STARD13: variants seen among roughly 807,000 people sequenced by gnomAD.
STARD13 encodes the protein stAR-related lipid transfer protein 13.
In STARD13, 62 loss-of-function variants were observed where a neutral mutation model predicts 106.4. The ratio of observed to expected loss-of-function variants is 0.58; its 90% CI spans 0.48 to 0.72. The LOEUF (loss-of-function observed/expected upper bound fraction) is 0.72, where lower values mean the gene tolerates loss of function less well. Among genes scored for constraint, STARD13 ranks in the 30% least tolerant of loss-of-function variants. The probability of loss-of-function intolerance (pLI) is 0.00; values close to 1 mark genes in which losing one functional copy is unlikely to be tolerated. For synonymous variants in STARD13, 565 were observed against 553.0 expected, an observed-to-expected ratio of 1.02 and a Z score of -0.31; for missense variants, 1,387 against 1,424.0, an observed-to-expected ratio of 0.97 and a Z score of 0.42.
the STARD13 span, among the ~76,000 whole-genome samples, chr13:33,472,633 AC>A: frequency 1.3e-5 from 2 of 152,178 alleles, no homozygotes; most frequent in Non-Finnish European, 2.9e-5. Context: ...TCACTGACAT[AC>A]ACCTATGTCA....
Position 33,127,408 on chromosome 13 carries a change from C to T in STARD13, c.1887G>A (p.Glu629=), listed in dbSNP as rs200878705. The T allele has an allele frequency of 5.7e-5, 92 of 1,605,382 alleles. No individual in the cohort carries two copies. The African/African-American group carries it at 7.2e-4, about 13-fold the overall frequency. Residue 629 remains glutamate (E), a synonymous_variant, in exon 6 of 14, where the codon GAG becomes GAA. Transcript: ENST00000336934. ...FSLLRLTAIM[E]KHSMSNKHGW... is the part of the protein sequence containing the mutation. ...CGTGCTTGTTGGACATGGAGTGCTT[C>T]TCCATGATGGCCGTGAGGCGGAGCA...
chr13:33,349,275 C>G, intron 1 of STARD13: 3 of 700,872 alleles, frequency 4.3e-6, no homozygotes, highest in Non-Finnish European at 7.8e-6. Context: ...ACCTCAGGGG[C>G]CCTTCCAATC....
At chr13:33,398,803 C>A in the STARD13 span, among the ~76,000 whole-genome samples, 1 of 152,300 alleles carries the variant, frequency 6.6e-6, no homozygotes, top group African/African-American at 2.4e-5. Context: ...TCATACATTG[C>A]TGGAGAAAAT....
At chr13:33,113,036 G>T in intron 8 of STARD13, 105 bp from the exon 9 acceptor site, 1 of 798,672 alleles carries the variant, frequency 1.3e-6, no homozygotes, top group South Asian at 2.1e-5. Flanking sequence ...CGCACCCAGA[G>T]TCATCATCAA....
chr13:33,343,294 G>A (rs957171375), intron 1 of STARD13, among the ~76,000 whole-genome samples: 1 of 151,090 alleles, frequency 6.6e-6, no homozygotes, highest in African/African-American at 2.4e-5. Flanking sequence ...AAAAAATCTG[G>A]CTGGGCTCGG....
chr13:33,307,586 C>CT (rs1384301580), intron 1 of STARD13, among the ~76,000 whole-genome samples: 1 of 152,128 alleles, frequency 6.6e-6, no homozygotes, highest in Non-Finnish European at 1.5e-5. Flanking sequence ...CATGCTCTCA[C>CT]TTATGAGTGG....
At chr13:33,471,021 T>C in the STARD13 span, among the ~76,000 whole-genome samples, 33 of 152,220 alleles carry the variant, frequency 2.2e-4, no homozygotes, top group Non-Finnish European at 3.1e-4. Flanking sequence ...TGAATGGTAA[T>C]GCCTAGGTTT....
At chr13:33,676,691 G>A in the STARD13 span, 1 of 152,068 alleles carries the variant, frequency 6.6e-6, no homozygotes. Flanking sequence ...ACAATTTCGG[G>A]TCCAAAGAGG....
In STARD13 at chr13:33,253,458, A is replaced by T. The variant is rs74798156; in HGVS notation, c.169+32012T>A. ...AAACACAATTACCCCAAAGAACACA[A>T]TTATCCACACAGAACTTAAGTTGAG... On this transcript the variant is annotated intron_variant, in intron 1 of 13. Coordinates refer to ENST00000336934, the MANE Select transcript of STARD13 (RefSeq NM_178006.4). Among the ~76,000 whole-genome samples the T allele has an allele frequency of 5.6e-4, 86 of 152,342 alleles. 1 individual carries two copies. The East Asian group carries it at 0.015, about 26-fold the overall frequency.
chr13:33,470,934 T>C, the STARD13 span, among the ~76,000 whole-genome samples: 2 of 152,184 alleles, frequency 1.3e-5, no homozygotes, highest in East Asian at 3.8e-4. Context: ...TTTGATTAGA[T>C]CCATTTGTGT....
the STARD13 span, among the ~76,000 whole-genome samples, chr13:33,409,615 T>G: frequency 6.6e-6 from 1 of 152,248 alleles, no homozygotes; most frequent in African/African-American, 2.4e-5. Flanking sequence ...GTTTTTCTAC[T>G]GCCTTTTCTA....
At chr13:33,189,377 GA>G (rs1886037221) in intron 1 of STARD13, among the ~76,000 whole-genome samples, 1 of 138,128 alleles carries the variant, frequency 7.2e-6, no homozygotes, top group South Asian at 2.5e-4. Flanking sequence ...GGCAGGAAGG[GA>G]ACGACAAACC....
the STARD13 span, among the ~76,000 whole-genome samples, chr13:33,655,233 AC>A: frequency 1.3e-5 from 2 of 152,250 alleles, no homozygotes; most frequent in African/African-American, 4.8e-5. Flanking sequence ...ACAATAATAA[AC>A]TTTTCTTTTG....
chr13:33,158,575 T>G (rs1882254113), intron 3 of STARD13: 1 of 152,200 alleles, frequency 6.6e-6, no homozygotes, highest in African/African-American at 2.4e-5. Context: ...CCCACAAAGC[T>G]TTAAAAATAA....
the STARD13 span, among the ~76,000 whole-genome samples, chr13:33,432,392 C>A: frequency 1.3e-5 from 2 of 151,916 alleles, no homozygotes; most frequent in African/African-American, 4.8e-5. Context: ...CTGCTCAGCT[C>A]TTTAGGTTAG....
chr13:33,381,709 C>T, the STARD13 span, among the ~76,000 whole-genome samples: 1 of 151,928 alleles, frequency 6.6e-6, no homozygotes, highest in Non-Finnish European at 1.5e-5. Flanking sequence ...CACTGCACTC[C>T]AGCCTGGGTG....
intron 3 of STARD13, chr13:33,155,751 A>G (rs913215778): frequency 6.6e-6 from 1 of 152,194 alleles, no homozygotes; most frequent in Admixed American, 6.5e-5. Flanking sequence ...CCTGTCCCCA[A>G]ACTCTATAGA....
intron 1 of STARD13, among the ~76,000 whole-genome samples, chr13:33,231,873 T>C (rs1348675166): frequency 1.3e-5 from 2 of 152,208 alleles, no homozygotes; most frequent in Non-Finnish European, 2.9e-5. Context: ...AGGGGATTGG[T>C]TCCAGGCTCC....
At chr13:33,577,148 A>G in the STARD13 span, among the ~76,000 whole-genome samples, 1 of 152,178 alleles carries the variant, frequency 6.6e-6, no homozygotes, top group Non-Finnish European at 1.5e-5. Flanking sequence ...TTCTTGATTG[A>G]GTGATTTTCA....
Sources: gnomAD v4.1 joint callset for allele counts (sites outside exome capture counted in the v4.1 genomes callset) on GRCh38, gnomAD v4.1.1 for gene constraint, MANE v1.5 for transcripts, NCBI Gene and HGNC (gene_info 2026-07-23, HGNC 2026-07-21) for gene names.